The following MSLN variants were observed in gnomAD, a reference collection of about 807,000 sequenced individuals.
The protein encoded by MSLN is CAK1 antigen.
Under a neutral mutation model 72.6 loss-of-function variants are expected in MSLN, and 82 were observed. The ratio of observed to expected loss-of-function variants is 1.13; its 90% confidence interval spans 0.94 to 1.36. MSLN has a LOEUF of 1.36. MSLN is among the 40% of genes most tolerant of loss of function. The pLI, the probability that MSLN is intolerant of heterozygous loss-of-function variation, is 0.00. For synonymous variants in MSLN, 456 were observed against 387.3 expected (o/e 1.18, Z -2.08); for missense variants, 1,005 against 847.9 (o/e 1.19, Z -2.30).
At chr16:768,226 G>A (rs2041666067) in intron 16 of MSLN, among the ~76,000 whole-genome samples, 153 bp from the exon 17 acceptor site, 1 of 151,766 alleles carries the variant, frequency 6.6e-6, no homozygotes, top group Non-Finnish European at 1.5e-5. Context: ...CAGCCATTGA[G>A]CTGAGGTCAG....
In MSLN at chr16:764,936, G is replaced by A; in HGVS notation, c.410G>A (p.Cys137Tyr). ...NPDAFSGPQA[C>Y]TRFFSRITKA... ...GATGCGTTCTCGGGGCCCCAGGCCT[G>A]CACCCGTTTCTTCTCCCGCATCACG... Residue 137 changes from cysteine to tyrosine, a missense_variant, in exon 8 of 18, where the codon TGC becomes TAC. Physicochemically the swap from Cys to Tyr is radical, Grantham distance 194. Transcript: ENST00000545450. 1 of 1,612,258 alleles carries A rather than the reference G, an allele frequency of 6.2e-7. No individual in the cohort carries two copies. The highest frequency in any genetic ancestry group is 8.5e-7 in the Non-Finnish European group (1 of 1,179,678).
At chr16:761,896 A>T (rs1230738810) in intron 2 of MSLN, among the ~76,000 whole-genome samples, 1 of 152,188 alleles carries the variant, frequency 6.6e-6, no homozygotes, top group Non-Finnish European at 1.5e-5. Flanking sequence ...CTACTCCGCC[A>T]TGGTGGCCTC....
At chr16:764,583 G>A (rs1468796575) in intron 6 of MSLN, 64 bp from the exon 7 acceptor site, 15 of 1,379,418 alleles carry the variant, frequency 1.1e-5, no homozygotes, top group African/African-American at 2.8e-5. Flanking sequence ...CTGGCCAGGC[G>A]ACCCTGGCCC....
At chr16:760,957 G>A (rs2041528947) in intron 1 of MSLN, 116 bp from the exon 2 acceptor site, 1 of 152,282 alleles carries the variant, frequency 6.6e-6, no homozygotes, top group Admixed American at 6.5e-5. Flanking sequence ...CTGCGCAGAA[G>A]GCCTCAGAGG....
chr16:761,599 G>A (rs549816986), intron 2 of MSLN, among the ~76,000 whole-genome samples: 6 of 151,582 alleles, frequency 4.0e-5, no homozygotes. Context: ...CAAGGGCTGG[G>A]GGTCCCACTC....
intron 3 of MSLN, 107 bp from the exon 4 acceptor site, chr16:763,126 C>G (rs934492704): frequency 1.4e-5 from 10 of 720,766 alleles, no homozygotes; most frequent in Admixed American, 2.8e-5. Context: ...GGGGTGTGCA[C>G]AGGGCTGGCT....
At chr16:768,312 C>T (rs1424065099) in intron 16 of MSLN, 67 bp from the exon 17 acceptor site, 6 of 1,454,222 alleles carry the variant, frequency 4.1e-6, no homozygotes, top group African/African-American at 2.8e-5. Context: ...ACAGGAGAGC[C>T]TGGCAGCCCT....
chr16:767,143 C>A (rs549349180), intron 15 of MSLN, 131 bp downstream of exon 15: 2 of 1,437,110 alleles, frequency 1.4e-6, no homozygotes, highest in African/African-American at 1.4e-5. Context: ...CCGCCCTCTG[C>A]CCCCCGGGGT....
chr16:766,261 C>T (rs552397165), intron 12 of MSLN, 24 bp downstream of exon 12: 2 of 1,608,236 alleles, frequency 1.2e-6, no homozygotes, highest in Admixed American at 3.3e-5. Context: ...CAAGTTCCCA[C>T]CGGCCTGCTG....
rs1410607278 is a variant in MSLN at position 766,409 on chromosome 16, C to T, written c.1149C>T (p.Asp383=). 1.9e-6 allele frequency: 3 copies of T among 1,612,714 alleles called. No individual in the cohort carries two copies. The highest frequency in any genetic ancestry group is 1.7e-4 in the Middle Eastern group (1 of 6,060). ...GYLFLKMSPE[D]IRKWNVTSLE... is the part of the protein sequence containing the mutation. ...TCTTCCTCAAGATGAGCCCTGAGGA[C>T]ATTCGCAAGTGGAATGTGACGTCCC... The change falls in exon 13 of 18, where the codon GAC becomes GAT. Residue 383 remains aspartate (D), a synonymous_variant. Transcript: ENST00000545450.
chr16:762,024 C>T (rs2041542418), intron 2 of MSLN, among the ~76,000 whole-genome samples: 1 of 152,254 alleles, frequency 6.6e-6, no homozygotes, highest in Non-Finnish European at 1.5e-5. Context: ...CCACAGTGGC[C>T]CACAGGCCCC....
intron 16 of MSLN, 63 bp from the exon 17 acceptor site, chr16:768,316 C>A (rs2041668086): frequency 6.8e-7 from 1 of 1,460,662 alleles, no homozygotes. Flanking sequence ...GAGAGCCTGG[C>A]AGCCCTCTGG....
Position 765,276 on chromosome 16 carries a change from C to A in MSLN, c.677C>A (p.Ala226Asp). Residue 226 changes from alanine to aspartate, a missense_variant, in exon 9 of 18, where the codon GCT (alanine) becomes GAT (aspartate). Ala to Asp is a moderately radical substitution (Grantham distance 126). Transcript: ENST00000545450. ...GACCAGCAGGAGGCAGCCAGGGCGG[C>A]TCTGCAGGGCGGGGGACCCCCCTAC... ...DQDQQEAARA[A>D]LQGGGPPYGP... 1.3e-6 allele frequency: 2 copies of A among 1,582,638 alleles called. No individual in the cohort carries two copies. Among genetic ancestry groups the A allele is most frequent in the Admixed American group, 1.7e-5 (1 of 57,658 alleles).
chr16:762,405 A>ACC (rs1461748461), intron 2 of MSLN: 1 of 487,176 alleles, frequency 2.1e-6, no homozygotes, highest in Non-Finnish European at 3.7e-6. Context: ...CCCTTCTGGG[A>ACC]GAGGGGTGGG....
chr16:762,158 G>T (rs1416627216), intron 2 of MSLN, among the ~76,000 whole-genome samples: 1 of 152,198 alleles, frequency 6.6e-6, no homozygotes, highest in African/African-American at 2.4e-5. Flanking sequence ...GGGTGGGAAG[G>T]GGCGGTGGCC....
chr16:761,377 A>G (rs545724067), intron 2 of MSLN, among the ~76,000 whole-genome samples: 9 of 152,306 alleles, frequency 5.9e-5, no homozygotes, highest in Non-Finnish European at 1.3e-4. Flanking sequence ...AGGTGCCTCC[A>G]CGGCCCCAGC....
chr16:768,382 T>C lies in MSLN; in HGVS notation c.1600T>C (p.Leu534=). 1 of 1,504,986 alleles carries C rather than the reference T, an allele frequency of 6.6e-7. No homozygotes were observed. The highest frequency in any genetic ancestry group is 8.9e-7 in the Non-Finnish European group (1 of 1,125,736). 93.2% of individuals were successfully genotyped at this position (1,504,986 alleles called of 1,614,324 possible). The change falls in exon 17 of 18, where the codon TTG becomes CTG. Residue 534 remains leucine (L), a synonymous_variant. Transcript: ENST00000545450. ...GGCTGCCCGGGGTCTCTGGCAGCCG[T>C]TGACTGTGGCTGAGGTGCAGAAACT... ...MKLRTDAVLP[L]TVAEVQKLLG... is the part of the protein sequence containing the mutation.
chr16:766,142 G>A lies in MSLN; in HGVS notation c.979G>A (p.Val327Met), dbSNP rs772480036. The A allele has an allele frequency of 1.2e-5, 20 of 1,612,638 alleles. No homozygotes were observed. The East Asian group carries it at 1.6e-4, about 13-fold the overall frequency. The change falls in exon 12 of 18, where the codon GTG becomes ATG. Residue 327 changes from valine to methionine, a missense_variant. By Grantham distance (21) the Val-to-Met change is conservative. Transcript: ENST00000545450. ...FYKKWELEAC[V>M]DAALLATQMD... ...CAAGAAGTGGGAGCTGGAAGCCTGCGTGGATGCGGCCCTGCTGGCCACCCA... is the reference window on the plus strand; with the variant it reads ...CAAGAAGTGGGAGCTGGAAGCCTGCATGGATGCGGCCCTGCTGGCCACCCA...
chr16:766,647 C>T (rs758386865), intron 13 of MSLN, 21 bp from the exon 14 acceptor site: 2 of 1,612,184 alleles, frequency 1.2e-6, no homozygotes, highest in Admixed American at 1.7e-5. Context: ...CCACAAGGCT[C>T]CTCGGCGGCC....
Sources: allele counts gnomAD v4.1 joint callset (sites outside exome capture counted in the v4.1 genomes callset), GRCh38; gene constraint gnomAD v4.1.1; transcripts MANE v1.5; gene names NCBI Gene and HGNC (gene_info 2026-07-23, HGNC 2026-07-21).